FBXL7: variants seen among roughly 807,000 people sequenced by gnomAD.
FBXL7 encodes the protein F-box/LRR-repeat protein 7.
A neutral mutation model predicts 38.3 loss-of-function variants in FBXL7; 12 were observed. That is an observed-to-expected ratio of 0.31 (90% CI 0.20 to 0.51). The LOEUF is 0.51. Ranked by LOEUF, FBXL7 falls within the 20% of genes least tolerant of loss-of-function variation. The pLI, the probability that FBXL7 is intolerant of heterozygous loss-of-function variation, is 0.98. For missense variants in FBXL7, 567 were observed against 676.4 expected, an observed-to-expected ratio of 0.84 and a Z score of 1.79; for synonymous variants, 297 against 300.9, an observed-to-expected ratio of 0.99 and a Z score of 0.13.
At position 15,557,888 on chromosome 5, in the gene FBXL7, A is replaced by T. The variant is rs541620933; in HGVS notation, c.37+57175A>T. Among the ~76,000 whole-genome samples, 4 of 152,382 alleles carry T rather than the reference A, an allele frequency of 2.6e-5. No individual in the cohort carries two copies. The East Asian group carries it at 5.8e-4, about 22-fold the overall frequency. ...TTAATTGTGCTATGAATAGATTATC[A>T]TAAAAATCTTAATGTGACACAAATT... is the stretch of plus-strand genomic sequence containing the variant. On this transcript the variant is annotated intron_variant, in intron 1 of 3. Transcript: ENST00000504595.
chr5:15,604,157 ACT>A (rs1739913823), intron 1 of FBXL7, among the ~76,000 whole-genome samples: 1 of 151,930 alleles, frequency 6.6e-6, no homozygotes, highest in African/African-American at 2.4e-5. Flanking sequence ...ACAGAGTGAT[ACT>A]CTGTCTCCAA....
chr5:15,767,261 A>T (rs1057250836), intron 2 of FBXL7, among the ~76,000 whole-genome samples: 4 of 113,528 alleles, frequency 3.5e-5, no homozygotes, highest in African/African-American at 9.0e-5. Flanking sequence ...ATATGTGATA[A>T]AAAAAAAAAG....
At chr5:15,752,118 G>A (rs1376926502) in intron 2 of FBXL7, among the ~76,000 whole-genome samples, 1 of 152,082 alleles carries the variant, frequency 6.6e-6, no homozygotes, top group African/African-American at 2.4e-5. Flanking sequence ...ACATGGAAGT[G>A]TATGTACTGG....
chr5:15,643,016 A>G (rs1486081487), intron 2 of FBXL7, among the ~76,000 whole-genome samples: 2 of 152,174 alleles, frequency 1.3e-5, no homozygotes, highest in African/African-American at 2.4e-5. Context: ...CCCTTAATAC[A>G]TGAATCCTTT....
At chr5:15,759,519 A>G (rs1736386808) in intron 2 of FBXL7, among the ~76,000 whole-genome samples, 1 of 152,218 alleles carries the variant, frequency 6.6e-6, no homozygotes, top group Non-Finnish European at 1.5e-5. Context: ...ACTTGTACAT[A>G]GTAACAAAAC....
At chr5:15,905,963 T>A (rs78806499) in intron 2 of FBXL7, among the ~76,000 whole-genome samples, 2,095 of 152,022 alleles carry the variant, frequency 0.014, 52 homozygotes, top group African/African-American at 0.049. Flanking sequence ...ACTAGGATGC[T>A]GAATACGCAA....
chr5:15,605,541 T>G (rs960024220), intron 1 of FBXL7, among the ~76,000 whole-genome samples: 1 of 152,174 alleles, frequency 6.6e-6, no homozygotes, highest in African/African-American at 2.4e-5. Context: ...GGCAAATTCA[T>G]AGAGATCAAA....
At chr5:15,846,268 G>A (rs1431781737) in intron 2 of FBXL7, among the ~76,000 whole-genome samples, 2 of 152,168 alleles carry the variant, frequency 1.3e-5, no homozygotes, top group Non-Finnish European at 2.9e-5. Context: ...TGTTTGAAGA[G>A]TATTAATACA....
At chr5:15,545,227 G>A (rs1178688079) in intron 1 of FBXL7, among the ~76,000 whole-genome samples, 2 of 152,158 alleles carry the variant, frequency 1.3e-5, no homozygotes, top group African/African-American at 2.4e-5. Context: ...GATCTATCTG[G>A]TACCAATTCA....
chr5:15,815,937 CCAA>C (rs1738001913), intron 2 of FBXL7, among the ~76,000 whole-genome samples: 1 of 152,076 alleles, frequency 6.6e-6, no homozygotes, highest in Non-Finnish European at 1.5e-5. Flanking sequence ...AGCATTCTCA[CCAA>C]CGTGATGCAA....
intron 2 of FBXL7, among the ~76,000 whole-genome samples, chr5:15,920,500 A>G (rs909843461): frequency 2.6e-5 from 4 of 151,724 alleles, no homozygotes; most frequent in African/African-American, 9.7e-5. Context: ...GCAGACATCA[A>G]TGTGGGTTTG....
intron 2 of FBXL7, among the ~76,000 whole-genome samples, chr5:15,677,648 C>G (rs932845299): frequency 1.3e-5 from 2 of 151,954 alleles, no homozygotes; most frequent in African/African-American, 2.4e-5. Flanking sequence ...TCAGTGAAAT[C>G]TTTTTTAGTT....
At chr5:15,506,504 G>A (rs1004722484) in intron 1 of FBXL7, among the ~76,000 whole-genome samples, 1 of 152,168 alleles carries the variant, frequency 6.6e-6, no homozygotes, top group South Asian at 2.1e-4. Flanking sequence ...GGGGACTTCT[G>A]TACAGTTTAT....
intron 2 of FBXL7, among the ~76,000 whole-genome samples, chr5:15,842,258 C>T (rs572806343): frequency 6.6e-6 from 1 of 152,190 alleles, no homozygotes; most frequent in Non-Finnish European, 1.5e-5. Context: ...CAAAGGAGAT[C>T]ATTTTGGAAC....
chr5:15,542,576 G>A (rs999463973), intron 1 of FBXL7, among the ~76,000 whole-genome samples: 1 of 152,156 alleles, frequency 6.6e-6, no homozygotes, highest in African/African-American at 2.4e-5. Context: ...AAGTATAACT[G>A]TCATTATTCC....
rs376164432 is a variant in FBXL7 at position 15,703,824 on chromosome 5, C to T, written c.127+87752C>T. On this transcript the variant is annotated intron_variant, in intron 2 of 3. Coordinates refer to ENST00000504595, the MANE Select transcript of FBXL7 (RefSeq NM_012304.5). ...ATTCAGACTCCTAAGTAATAATGACCTTACTTTAGCTGAAAAAGCACATAG... is the reference window on the plus strand; with the variant it reads ...ATTCAGACTCCTAAGTAATAATGACTTTACTTTAGCTGAAAAAGCACATAG... 1.4e-3 allele frequency among the ~76,000 whole-genome samples: 206 copies of T among 152,138 alleles called. 6 individuals carry two copies. The South Asian group carries it at 0.042, about 31-fold the overall frequency.
At chr5:15,758,733 G>A (rs1736364728) in intron 2 of FBXL7, among the ~76,000 whole-genome samples, 1 of 152,088 alleles carries the variant, frequency 6.6e-6, no homozygotes, top group Non-Finnish European at 1.5e-5. Flanking sequence ...GTGTTTAAGG[G>A]ATTGTCTCTG....
chr5:15,688,786 A>C (rs946197798), intron 2 of FBXL7, among the ~76,000 whole-genome samples: 7 of 152,182 alleles, frequency 4.6e-5, no homozygotes, highest in African/African-American at 1.7e-4. Flanking sequence ...TTGTAATAAC[A>C]TTCAAAGCCA....
intron 2 of FBXL7, among the ~76,000 whole-genome samples, chr5:15,756,258 A>C (rs1427024595): frequency 1.3e-5 from 2 of 152,160 alleles, no homozygotes; most frequent in Admixed American, 6.5e-5. Context: ...AACTTTATAC[A>C]TGATATTTAA....
Sources: allele counts gnomAD v4.1 joint callset (sites outside exome capture counted in the v4.1 genomes callset), GRCh38; gene constraint gnomAD v4.1.1; transcripts MANE v1.5; gene names NCBI Gene and HGNC (gene_info 2026-07-23, HGNC 2026-07-21).